The following CTNNBIP1 variants were observed in gnomAD, a reference collection of about 807,000 sequenced individuals.
CTNNBIP1 encodes catenin beta interacting protein 1, also known as beta-catenin-interacting protein 1.
CTNNBIP1 carries 7 observed loss-of-function variants against 11.8 expected under a neutral mutation model. The ratio of observed to expected loss-of-function variants is 0.60; its 90% CI spans 0.34 to 1.12. The LOEUF is 1.12. Ranked by LOEUF, CTNNBIP1 falls within the 50% of genes most tolerant of loss-of-function variation. The pLI is 0.03. For missense variants in CTNNBIP1, 101 were observed against 113.4 expected (o/e 0.89, Z 0.50); for synonymous variants, 58 against 43.9 (o/e 1.32, Z -1.26).
chr1:9,856,010 T>C (rs1570557843), intron 5 of CTNNBIP1, among the ~76,000 whole-genome samples: 1 of 151,868 alleles, frequency 6.6e-6, no homozygotes, highest in Non-Finnish European at 1.5e-5. Flanking sequence ...TAGCTGGGCG[T>C]GGTGGCACAT....
intron 2 of CTNNBIP1, among the ~76,000 whole-genome samples, chr1:9,879,785 G>A (rs1041099912): frequency 1.3e-5 from 2 of 152,092 alleles, no homozygotes; most frequent in Non-Finnish European, 2.9e-5. Context: ...TATCATTCCC[G>A]TCTACAGGGC....
chr1:9,908,987 T>G (rs575189076), intron 1 of CTNNBIP1, among the ~76,000 whole-genome samples: 4 of 152,210 alleles, frequency 2.6e-5, no homozygotes, highest in Non-Finnish European at 5.9e-5. Context: ...GCACCTTTAT[T>G]TATGATCCAA....
intron 5 of CTNNBIP1, among the ~76,000 whole-genome samples, chr1:9,869,988 G>A (rs1001753269): frequency 7.2e-5 from 11 of 152,260 alleles, no homozygotes; most frequent in Admixed American, 2.0e-4. Context: ...CAGGTTGTGC[G>A]TGGTGAGCTG....
chr1:9,892,686 G>A (rs1304238492), intron 1 of CTNNBIP1, among the ~76,000 whole-genome samples: 17 of 152,150 alleles, frequency 1.1e-4, no homozygotes, highest in Admixed American at 9.8e-4. Context: ...AGATATAGGT[G>A]TATCTGTTTA....
rs1638888200 is a variant in CTNNBIP1, at chr1:9,872,626, T to A, written c.-24-538A>T. On this transcript the variant is annotated intron_variant, in intron 3 of 5. Coordinates refer to ENST00000377263, the MANE Select transcript of CTNNBIP1 (RefSeq NM_020248.3). The surrounding 1 kb of genome is among the most constrained non-coding windows in gnomAD (Gnocchi z 4.0). ...CCTGACAAGTTTAAGAGGCCAGGGT[T>A]GTGGCTCCTGGGCTGGGCTCCAAGG... is the stretch of plus-strand genomic sequence containing the variant. Among the ~76,000 whole-genome samples, 1 of 152,170 alleles carries A rather than the reference T, an allele frequency of 6.6e-6. No individual in the cohort carries two copies.
intron 5 of CTNNBIP1, among the ~76,000 whole-genome samples, chr1:9,864,610 G>A (rs969155769): frequency 3.3e-5 from 5 of 152,176 alleles, no homozygotes; most frequent in African/African-American, 9.6e-5. Flanking sequence ...TTACAGGTGT[G>A]AGCCACCGTG....
intron 5 of CTNNBIP1, among the ~76,000 whole-genome samples, chr1:9,863,974 C>G (rs1638688391): frequency 6.6e-6 from 1 of 152,222 alleles, no homozygotes; most frequent in South Asian, 2.1e-4. Context: ...CTACCCATGA[C>G]CACAGATATT....
In CTNNBIP1 at chr1:9,851,905, C is replaced by T. The variant is rs911376827; in HGVS notation, c.188-1129G>A. On this transcript the variant is annotated intron_variant, in intron 5 of 5. Coordinates refer to ENST00000377263, the MANE Select transcript of CTNNBIP1 (RefSeq NM_020248.3). This position sits in a 1 kb window ranked among gnomAD's most constrained non-coding sequence, Gnocchi z 4.8. The stretch of plus-strand genomic sequence containing the variant: ...CCAGGAGGTGACCTGTAGGGCCCCA[C>T]CTTGACTCCCTGACCCTGTCCTGCT... Among the ~76,000 whole-genome samples, 1 of 152,202 alleles carries T rather than the reference C, an allele frequency of 6.6e-6. No homozygotes were observed. Among genetic ancestry groups the T allele is most frequent in the Non-Finnish European group, 1.5e-5 (1 of 68,036 alleles).
chr1:9,901,269 T>G (rs1639515806), intron 1 of CTNNBIP1, among the ~76,000 whole-genome samples: 1 of 152,166 alleles, frequency 6.6e-6, no homozygotes, highest in Admixed American at 6.6e-5. Flanking sequence ...GATGGGTCTC[T>G]GGGAAGCCAG....
At chr1:9,900,932 G>GT (rs1639509258) in intron 1 of CTNNBIP1, among the ~76,000 whole-genome samples, 2 of 152,158 alleles carry the variant, frequency 1.3e-5, no homozygotes, top group Non-Finnish European at 1.5e-5. Flanking sequence ...ACACGCTCAG[G>GT]AACAGGCTCA....
rs186981646 is a variant in CTNNBIP1 at position 9,864,360 on chromosome 1, G to C, written c.187+6827C>G. The stretch of plus-strand genomic sequence containing the variant: ...CTTTTCTTTTTTTAGGCCGAGTCTC[G>C]CTCTGTCGCCCAGGCTGGAGTGCAG... On this transcript the variant is annotated intron_variant, in intron 5 of 5. Coordinates refer to ENST00000377263, the MANE Select transcript of CTNNBIP1 (RefSeq NM_020248.3). Among the ~76,000 whole-genome samples, 399 of 152,286 alleles carry C rather than the reference G, an allele frequency of 2.6e-3. 1 individual carries two copies. The highest frequency in any genetic ancestry group is 8.6e-3 in the African/African-American group (356 of 41,554).
intron 1 of CTNNBIP1, among the ~76,000 whole-genome samples, chr1:9,888,488 A>G (rs1639231660): frequency 6.6e-6 from 1 of 151,576 alleles, no homozygotes; most frequent in South Asian, 2.1e-4. Flanking sequence ...GGAGGCAGAG[A>G]CTGCAGTGAG....
chr1:9,893,681 G>A (rs1306503068), intron 1 of CTNNBIP1, among the ~76,000 whole-genome samples: 1 of 152,218 alleles, frequency 6.6e-6, no homozygotes, highest in African/African-American at 2.4e-5. Flanking sequence ...GATGATTTCT[G>A]AGGATTAAGA....
At chr1:9,863,818 T>C (rs1638684637) in intron 5 of CTNNBIP1, among the ~76,000 whole-genome samples, 1 of 152,160 alleles carries the variant, frequency 6.6e-6, no homozygotes, top group Non-Finnish European at 1.5e-5. Context: ...CTTTCCACAC[T>C]GAGCTGTAAC....
intron 5 of CTNNBIP1, among the ~76,000 whole-genome samples, chr1:9,862,573 G>A (rs1472684641): frequency 6.6e-6 from 1 of 152,166 alleles, no homozygotes; most frequent in Non-Finnish European, 1.5e-5. Flanking sequence ...AGAGAGCTCA[G>A]TGCTACAGAC....
intron 2 of CTNNBIP1, among the ~76,000 whole-genome samples, chr1:9,879,222 C>T (rs1226654882): frequency 6.6e-6 from 1 of 151,848 alleles, no homozygotes; most frequent in Non-Finnish European, 1.5e-5. Context: ...TGCTTTTACA[C>T]CCACTTTTAC....
intron 1 of CTNNBIP1, among the ~76,000 whole-genome samples, chr1:9,901,830 A>C (rs963302769): frequency 3.3e-5 from 5 of 152,184 alleles, no homozygotes; most frequent in African/African-American, 1.2e-4. Context: ...GGGCCAGCTG[A>C]TTAGCACCGG....
intron 1 of CTNNBIP1, among the ~76,000 whole-genome samples, chr1:9,899,106 G>A (rs887890006): frequency 6.6e-6 from 1 of 152,142 alleles, no homozygotes; most frequent in African/African-American, 2.4e-5. Context: ...ATCCACAGAT[G>A]GGGAACCTGA....
rs772923414 is a variant in CTNNBIP1, at chr1:9,872,065, C to G, written c.-1G>C. ...TCCCGGGAGCTCCCTCGCGGTTCATCCCCCTGCCTGGCTCTGGGGACTCCT... is the reference window on the plus strand; with the variant it reads ...TCCCGGGAGCTCCCTCGCGGTTCATGCCCCTGCCTGGCTCTGGGGACTCCT... On this transcript the variant is annotated 5_prime_UTR_variant, in exon 4 of 6. Transcript: ENST00000377263. This position sits in a 1 kb window ranked among gnomAD's most constrained non-coding sequence, Gnocchi z 4.0. 13 of 1,613,632 alleles carry G rather than the reference C, an allele frequency of 8.1e-6. No individual in the cohort carries two copies. The highest frequency in any genetic ancestry group is 1.1e-5 in the Non-Finnish European group (13 of 1,179,502).
Sources: allele counts gnomAD v4.1 joint callset (sites outside exome capture counted in the v4.1 genomes callset), GRCh38; gene constraint gnomAD v4.1.1; non-coding constraint Gnocchi (gnomAD v3.1); transcripts MANE v1.5; gene names NCBI Gene and HGNC (gene_info 2026-07-23, HGNC 2026-07-21).